The following RAB7B variants were observed in gnomAD, a reference collection of about 807,000 sequenced individuals.
The protein encoded by RAB7B is ras-related protein Rab-7b.
chr1:205,992,723 G>A (rs943162660), intron 3 of RAB7B, 28 bp from the exon 4 acceptor site: 3 of 398,696 alleles, frequency 7.5e-6, no homozygotes, highest in Admixed American at 4.4e-5. Context: ...TGCCCCATGG[G>A]GCTGTGATGA....
chr1:205,987,778 G>A (rs1201735989), intron 4 of RAB7B, among the ~76,000 whole-genome samples: 2 of 151,674 alleles, frequency 1.3e-5, no homozygotes, highest in African/African-American at 2.4e-5. Context: ...AGAAGGAACA[G>A]GGATTTTTTT....
At chr1:205,992,020 C>T (rs1311176915) in intron 4 of RAB7B, among the ~76,000 whole-genome samples, 1 of 152,198 alleles carries the variant, frequency 6.6e-6, no homozygotes, top group Non-Finnish European at 1.5e-5. Context: ...TAACTGCAGA[C>T]CTCCAACTTG....
chr1:205,990,722 G>A (rs1210444411), intron 4 of RAB7B, among the ~76,000 whole-genome samples: 2 of 151,944 alleles, frequency 1.3e-5, no homozygotes, highest in African/African-American at 4.8e-5. Context: ...CCACAGGAGT[G>A]ACCCACAGAA....
At chr1:205,999,054 C>G (rs1660851015) in intron 1 of RAB7B, among the ~76,000 whole-genome samples, 1 of 152,212 alleles carries the variant, frequency 6.6e-6, no homozygotes, top group Non-Finnish European at 1.5e-5. Context: ...CCAGAGCCAG[C>G]TCTCTTAACT....
intron 4 of RAB7B, among the ~76,000 whole-genome samples, chr1:205,991,705 G>A (rs1286123401): frequency 6.6e-6 from 1 of 152,162 alleles, no homozygotes; most frequent in African/African-American, 2.4e-5. Context: ...CAGACATGAT[G>A]ATCCAGTTCC....
At chr1:206,002,240 CCTAGCAGGT>C (rs1660903420) in intron 1 of RAB7B, among the ~76,000 whole-genome samples, 1 of 152,222 alleles carries the variant, frequency 6.6e-6, no homozygotes, top group Admixed American at 6.5e-5. Context: ...CCACCTCAAC[CCTAGCAGGT>C]CTAGACCTGC....
intron 2 of RAB7B, 106 bp from the exon 3 acceptor site, chr1:205,993,652 C>T (rs1660762789): frequency 7.6e-6 from 3 of 396,722 alleles, no homozygotes; most frequent in Middle Eastern, 6.3e-4. Flanking sequence ...CACTGTCTCT[C>T]CCTGAGATTC....
chr1:205,985,791 G>GCCCAC (rs1660590680), intron 4 of RAB7B, 126 bp from the exon 5 acceptor site: 1 of 277,478 alleles, frequency 3.6e-6, no homozygotes, highest in Non-Finnish European at 6.3e-6. Context: ...TCCCCACCAG[G>GCCCAC]CCCACCATCC....
At chr1:205,987,116 T>C (rs1373280653) in intron 4 of RAB7B, among the ~76,000 whole-genome samples, 1 of 152,196 alleles carries the variant, frequency 6.6e-6, no homozygotes, top group Non-Finnish European at 1.5e-5. Flanking sequence ...CAAATTAACA[T>C]TCTTTTTATA....
At position 205,978,701 on chromosome 1, in the gene RAB7B, G is replaced by T; in HGVS notation, c.*150C>A. 1 of 393,620 alleles carries T rather than the reference G, an allele frequency of 2.5e-6. No homozygotes were observed. Among genetic ancestry groups the T allele is most frequent in the Non-Finnish European group, 4.5e-6 (1 of 223,334 alleles). 24.4% of individuals were successfully genotyped at this position (393,620 alleles called of 1,614,324 possible). A position where few individuals can be genotyped will look rare whatever the true frequency, so the allele number is the denominator to read the frequency against. ...CTCTGACTCTGGGCCCAGCACCAGG[G>T]TCAAGGGCTCTGCCGCAGAGCTTAG... On this transcript the variant is annotated 3_prime_UTR_variant, in exon 6 of 6. Transcript: ENST00000617070.
At chr1:205,988,230 GTTTTTT>G (rs1175381025) in intron 4 of RAB7B, among the ~76,000 whole-genome samples, 2 of 42,024 alleles carry the variant, frequency 4.8e-5, no homozygotes, top group African/African-American at 8.4e-5. Context: ...GTGTGTGTGG[GTTTTTT>G]TTTTTTTTTT....
chr1:206,001,048 C>A (rs1415957387), intron 1 of RAB7B, among the ~76,000 whole-genome samples: 1 of 152,198 alleles, frequency 6.6e-6, no homozygotes, highest in South Asian at 2.1e-4. Flanking sequence ...GGTTCCCCTA[C>A]CCTATCCTAG....
rs1311791258 is a variant in RAB7B at position 205,978,944 on chromosome 1, G to C, written c.523-16C>G. 7 of 398,732 alleles carry C rather than the reference G, an allele frequency of 1.8e-5. No individual in the cohort carries two copies. The East Asian group carries it at 2.1e-4, about 12-fold the overall frequency. 24.7% of individuals were successfully genotyped at this position (398,732 alleles called of 1,614,324 possible). On this transcript the variant is annotated splice_polypyrimidine_tract_variant and intron_variant, in intron 5 of 5. Transcript: ENST00000617070. ...TGCTCTGGTACTGGGGAAGGAAAGA[G>C]AGGCCGGCATTCATGTCCTGAGATA... is the stretch of plus-strand genomic sequence containing the variant.
At chr1:205,978,968 T>C in intron 5 of RAB7B, 40 bp from the exon 6 acceptor site, 1 of 398,590 alleles carries the variant, frequency 2.5e-6, no homozygotes, top group Non-Finnish European at 4.4e-6. Context: ...TGTCCTGAGA[T>C]ACAGAGTGCA....
intron 4 of RAB7B, among the ~76,000 whole-genome samples, chr1:205,991,764 C>T (rs922997699): frequency 1.4e-4 from 22 of 152,188 alleles, no homozygotes; most frequent in Non-Finnish European, 2.2e-4. Context: ...TTTTTGGTGG[C>T]ATCTGGACTT....
In RAB7B at chr1:205,977,066, TC is replaced by T; in HGVS notation, c.*1784del. 1.3e-5 allele frequency: 2 copies of T among 152,002 alleles called. No homozygotes were observed. Among genetic ancestry groups the T allele is most frequent in the East Asian group, 1.9e-4 (1 of 5,164 alleles). The allele number at this position is 152,002 out of a possible 1,614,324, so 9.4% of individuals were successfully genotyped here. A position where few individuals can be genotyped will look rare whatever the true frequency, so the allele number is the denominator to read the frequency against. On this transcript the variant is annotated 3_prime_UTR_variant, in exon 6 of 6. Transcript: ENST00000617070. ...TGGCTCCCAAACTCCCCTGCTGACC[TC>T]CCCCCGGCCCCTAGGTGTACCTTCC... is the stretch of plus-strand genomic sequence containing the variant.
At chr1:205,990,045 A>G (rs1217081258) in intron 4 of RAB7B, among the ~76,000 whole-genome samples, 5 of 152,112 alleles carry the variant, frequency 3.3e-5, no homozygotes, top group Non-Finnish European at 4.4e-5. Context: ...CCCACACCCT[A>G]CAGACATGAA....
chr1:205,982,417 G>T (rs1660512312), intron 5 of RAB7B, among the ~76,000 whole-genome samples: 1 of 152,098 alleles, frequency 6.6e-6, no homozygotes, highest in African/African-American at 2.4e-5. Flanking sequence ...TATTGCAGTA[G>T]CCTCTTCATC....
At chr1:205,983,878 G>A (rs1423616220) in intron 5 of RAB7B, 1 of 152,234 alleles carries the variant, frequency 6.6e-6, no homozygotes, top group Non-Finnish European at 1.5e-5. Context: ...CCACAATATA[G>A]TAGGAAGGAC....
Sources: gnomAD v4.1 joint callset for allele counts (sites outside exome capture counted in the v4.1 genomes callset) on GRCh38, gnomAD v4.1.1 for gene constraint, MANE v1.5 for transcripts, NCBI Gene and HGNC (gene_info 2026-07-23, HGNC 2026-07-21) for gene names.